Variants in NOVA2 observed in about 807,000 individuals in gnomAD.
The protein encoded by NOVA2 is RNA-binding protein Nova-2.
A neutral mutation model predicts 22.5 loss-of-function variants in NOVA2; 9 were observed. The observed-to-expected ratio is 0.40, with a 90% CI of 0.24 to 0.70. The LOEUF is 0.70. Ranked by LOEUF, NOVA2 falls within the 30% of genes least tolerant of loss-of-function variation. NOVA2 has a pLI of 0.38. For missense variants in NOVA2, 383 were observed against 682.8 expected (o/e 0.56, Z 4.89); for synonymous variants, 318 against 335.2 (o/e 0.95, Z 0.56).
intron 3 of NOVA2, among the ~76,000 whole-genome samples, chr19:45,944,870 A>T (rs1158105874): frequency 6.6e-6 from 1 of 152,196 alleles, no homozygotes; most frequent in Non-Finnish European, 1.5e-5. Flanking sequence ...TTGATGGTTG[A>T]CCATATACTG....
At chr19:45,948,529 G>T (rs770553646) in intron 3 of NOVA2, among the ~76,000 whole-genome samples, 1 of 151,596 alleles carries the variant, frequency 6.6e-6, no homozygotes, top group South Asian at 2.1e-4. Flanking sequence ...GAACCCGGGA[G>T]GGGGAGCTTG....
At chr19:45,950,466 T>C (rs1378232918) in intron 3 of NOVA2, among the ~76,000 whole-genome samples, 1 of 152,178 alleles carries the variant, frequency 6.6e-6, no homozygotes, top group East Asian at 1.9e-4. Context: ...CGGCCTGTTA[T>C]GGGAAACATT....
chr19:45,942,086 C>G (rs1466505648), intron 3 of NOVA2, among the ~76,000 whole-genome samples: 4 of 152,158 alleles, frequency 2.6e-5, no homozygotes, highest in African/African-American at 9.7e-5. Flanking sequence ...GAGCTGAAAT[C>G]TAGGCTCTTG....
chr19:45,965,533 AGCC>A (rs1568672473), intron 1 of NOVA2, among the ~76,000 whole-genome samples: 1 of 152,208 alleles, frequency 6.6e-6, no homozygotes, highest in Non-Finnish European at 1.5e-5. Context: ...GTTCGAGACC[AGCC>A]TGGCCAACAT....
intron 2 of NOVA2, among the ~76,000 whole-genome samples, chr19:45,957,060 T>C (rs964018244): frequency 6.6e-6 from 1 of 152,240 alleles, no homozygotes; most frequent in East Asian, 1.9e-4. Flanking sequence ...TATTAAGTAG[T>C]CATTCAAGAG....
intron 2 of NOVA2, among the ~76,000 whole-genome samples, chr19:45,958,225 T>C (rs886485656): frequency 3.9e-5 from 6 of 152,196 alleles, no homozygotes; most frequent in Middle Eastern, 3.4e-3. Flanking sequence ...TTGCTCCATG[T>C]ATGACCTGGA....
At chr19:45,945,847 T>A (rs1034961732) in intron 3 of NOVA2, among the ~76,000 whole-genome samples, 4 of 150,618 alleles carry the variant, frequency 2.7e-5, no homozygotes, top group African/African-American at 9.7e-5. Flanking sequence ...TATTTTTTTT[T>A]TTTTTGAGAC....
intron 1 of NOVA2, among the ~76,000 whole-genome samples, chr19:45,967,222 A>C (rs1258920415): frequency 6.6e-6 from 1 of 152,124 alleles, no homozygotes; most frequent in Non-Finnish European, 1.5e-5. Context: ...TTTTATGCAC[A>C]TCTTTTCTGT....
rs1219759200 is a variant in NOVA2, at chr19:45,939,067, C to T, written c.*796G>A. On this transcript the variant is annotated 3_prime_UTR_variant, in exon 4 of 4. Transcript: ENST00000263257. Reference sequence around the variant, plus strand: ...GACATCACAACAGAGACCCTCATTGCCATTACTCTAAGCCATCAGAGATAC... The same window carrying T: ...GACATCACAACAGAGACCCTCATTGTCATTACTCTAAGCCATCAGAGATAC... 6.6e-6 allele frequency: 1 copy of T among 152,234 alleles called. No homozygotes were observed. The highest frequency in any genetic ancestry group is 2.4e-5 in the African/African-American group (1 of 41,434). 9.4% of individuals were successfully genotyped at this position (152,234 alleles called of 1,614,324 possible). A position where few individuals can be genotyped will look rare whatever the true frequency, so the allele number is the denominator to read the frequency against.
intron 3 of NOVA2, among the ~76,000 whole-genome samples, chr19:45,948,236 C>T (rs1307568227): frequency 6.6e-6 from 1 of 152,058 alleles, no homozygotes; most frequent in African/African-American, 2.4e-5. Flanking sequence ...GTGCTGAGCA[C>T]CTACTATGTG....
chr19:45,966,872 C>T (rs145936834), intron 1 of NOVA2, among the ~76,000 whole-genome samples: 4,215 of 152,026 alleles, frequency 0.028, 219 homozygotes, highest in African/African-American at 0.097. Flanking sequence ...AGCGAAACTC[C>T]GTCTCAAATA....
chr19:45,940,600 C>T lies in NOVA2; in HGVS notation c.742G>A (p.Ala248Thr), dbSNP rs1967739900. The T allele has an allele frequency of 7.1e-7, 1 of 1,416,300 alleles. No homozygotes were observed. Among genetic ancestry groups the T allele is most frequent in the African/African-American group, 1.5e-5 (1 of 66,458 alleles). The allele number at this position is 1,416,300 out of a possible 1,614,324, so 87.7% of individuals were successfully genotyped here. A position where few individuals can be genotyped will look rare whatever the true frequency, so the allele number is the denominator to read the frequency against. ...LPAAAAASAA[A>T]ASGLLGPAGL... Reference sequence around the variant, plus strand: ...GCGGGGCCCAGCAGGCCGGAGGCGGCGGCGGCCGACGCTGCGGCCGCGGCT... The same window carrying T: ...GCGGGGCCCAGCAGGCCGGAGGCGGTGGCGGCCGACGCTGCGGCCGCGGCT... The change falls in exon 4 of 4, where the codon GCC becomes ACC. Residue 248 changes from alanine to threonine, a missense_variant. Around this residue, in one of 2 missense-constraint regions of NOVA2, gnomAD observed 349 missense variants for 578.1 expected, o/e 0.60. Transcript: ENST00000263257.
rs202022190 is a variant in NOVA2 at position 45,941,293 on chromosome 19, CAAAAT to C, written c.397-353_397-349del. ...TGAGTGACAGAGGGAGACCCTGTCTCAAAATAAAATAAAATAATATATATATATAT... is the reference window on the plus strand; with the variant it reads ...TGAGTGACAGAGGGAGACCCTGTCTCAAAATAAAATAATATATATATATAT... On this transcript the variant is annotated intron_variant, in intron 3 of 3. Coordinates refer to ENST00000263257, the MANE Select transcript of NOVA2 (RefSeq NM_002516.4). Among the ~76,000 whole-genome samples the C allele has an allele frequency of 6.6e-3, 931 of 140,312 alleles. 8 individuals carry two copies. The highest frequency in any genetic ancestry group is 0.019 in the African/African-American group (748 of 38,776). 92.1% of individuals were successfully genotyped at this position (140,312 alleles called of 152,430 possible).
intron 2 of NOVA2, among the ~76,000 whole-genome samples, chr19:45,958,570 GGTGT>G (rs993002232): frequency 1.3e-5 from 2 of 149,292 alleles, no homozygotes; most frequent in African/African-American, 4.9e-5. Flanking sequence ...TGGGTGTGAG[GGTGT>G]GAGTGTGAAT....
chr19:45,948,415 C>T (rs573021066), intron 3 of NOVA2, among the ~76,000 whole-genome samples: 2 of 151,786 alleles, frequency 1.3e-5, no homozygotes, highest in East Asian at 1.9e-4. Context: ...CTGGCTAACA[C>T]GGTGAAACCC....
chr19:45,965,680 A>C (rs1968158695), intron 1 of NOVA2, among the ~76,000 whole-genome samples: 1 of 151,944 alleles, frequency 6.6e-6, no homozygotes, highest in African/African-American at 2.4e-5. Flanking sequence ...CAGTGAGCTG[A>C]GATCGCGTCA....
chr19:45,970,679 T>G (rs959208156), intron 1 of NOVA2, among the ~76,000 whole-genome samples: 3 of 152,138 alleles, frequency 2.0e-5, no homozygotes, highest in African/African-American at 4.8e-5. Context: ...CCCAGCCCCT[T>G]ATGGTCATTT....
At chr19:45,951,748 G>T (rs971826940) in intron 3 of NOVA2, among the ~76,000 whole-genome samples, 2 of 152,110 alleles carry the variant, frequency 1.3e-5, no homozygotes, top group African/African-American at 4.8e-5. Flanking sequence ...AGTGAGCCTA[G>T]ATCATACCAC....
At position 45,935,680 on chromosome 19, in the gene NOVA2, T is replaced by C. The variant is rs992375250; in HGVS notation, c.*4183A>G. On this transcript the variant is annotated 3_prime_UTR_variant, in exon 4 of 4. Coordinates refer to ENST00000263257, the MANE Select transcript of NOVA2 (RefSeq NM_002516.4). ...CCACTGCACAGTCTATCACAGCCTC[T>C]AATCCCGGTCCTGAAACAGCAATCA... 1.3e-5 allele frequency: 2 copies of C among 152,378 alleles called. No individual in the cohort carries two copies. Among genetic ancestry groups the C allele is most frequent in the Non-Finnish European group, 2.9e-5 (2 of 68,090 alleles). The allele number at this position is 152,378 out of a possible 1,614,324, so 9.4% of individuals were successfully genotyped here.
Sources: gnomAD v4.1 joint callset for allele counts (sites outside exome capture counted in the v4.1 genomes callset) on GRCh38, gnomAD v4.1.1 for gene constraint, gnomAD v4.1.1 regional missense constraint, MANE v1.5 for transcripts, NCBI Gene and HGNC (gene_info 2026-07-23, HGNC 2026-07-21) for gene names.